The following MEGF10 variants were observed in gnomAD, a reference collection of about 807,000 sequenced individuals.
MEGF10 encodes the protein multiple EGF like domains 10.
MEGF10 carries 86 observed loss-of-function variants against 147.5 expected under a neutral mutation model. The ratio of observed to expected loss-of-function variants is 0.58; its 90% confidence interval spans 0.49 to 0.70. MEGF10 has a LOEUF of 0.70. Among genes scored for constraint, MEGF10 ranks in the 30% least tolerant of loss-of-function variants. MEGF10 has a pLI of 0.00. For synonymous variants in MEGF10, 478 were observed against 525.5 expected (o/e 0.91, Z 1.24); for missense variants, 1,329 against 1,487.3 (o/e 0.89, Z 1.75).
At position 127,398,761 on chromosome 5, in the gene MEGF10, G is replaced by T. The variant is rs370717384; in HGVS notation, c.745G>T (p.Val249Phe). 1 of 1,613,784 alleles carries T rather than the reference G, an allele frequency of 6.2e-7. No homozygotes were observed. Among genetic ancestry groups the T allele is most frequent in the South Asian group, 1.1e-5 (1 of 91,072 alleles). ...TCAAAATGGAGGAGTGTGTCATCAC[G>T]TCACTGGAGAATGCTCTTGCCCTTC... is the stretch of plus-strand genomic sequence containing the variant. ...PCQNGGVCHHVTGECSCPSGW... is the reference protein window; with the variant it reads ...PCQNGGVCHHFTGECSCPSGW... The change falls in exon 7 of 25, where the codon GTC becomes TTC. Residue 249 changes from valine to phenylalanine, a missense_variant. Transcript: ENST00000503335.
At chr5:127,301,145 C>T (rs1759749042) in intron 1 of MEGF10, among the ~76,000 whole-genome samples, 1 of 152,170 alleles carries the variant, frequency 6.6e-6, no homozygotes, top group Non-Finnish European at 1.5e-5. Flanking sequence ...GGCTTATCTC[C>T]GTCACTCATT....
At chr5:127,455,359 A>G (rs1159606954) in intron 23 of MEGF10, 42 bp from the exon 24 acceptor site, 3 of 1,503,572 alleles carry the variant, frequency 2.0e-6, no homozygotes, top group Non-Finnish European at 2.8e-6. Flanking sequence ...TGATGTTGCC[A>G]GTGACACAGC....
rs1300175695 is a variant in MEGF10, at chr5:127,459,499, G to C, written c.*2181G>C. ...AATAAGACATTTTCTCCCTTTTAAAGATCATCTCTTCAGAGCTGCATGGTA... is the reference window on the plus strand; with the variant it reads ...AATAAGACATTTTCTCCCTTTTAAACATCATCTCTTCAGAGCTGCATGGTA... On this transcript the variant is annotated 3_prime_UTR_variant, in exon 25 of 25. Transcript: ENST00000503335. 1.3e-5 allele frequency: 2 copies of C among 152,154 alleles called. No individual in the cohort carries two copies. The highest frequency in any genetic ancestry group is 2.9e-5 in the Non-Finnish European group (2 of 68,022). The allele number at this position is 152,154 out of a possible 1,614,324, so 9.4% of individuals were successfully genotyped here.
intron 4 of MEGF10, among the ~76,000 whole-genome samples, chr5:127,343,751 G>A (rs1443470662): frequency 1.3e-5 from 2 of 151,968 alleles, no homozygotes; most frequent in Admixed American, 6.6e-5. Context: ...AGGCATTCGA[G>A]ACCAGCATGG....
In MEGF10 at chr5:127,420,108, A is replaced by G; in HGVS notation, c.1491A>G (p.Leu497=). 4 of 1,614,130 alleles carry G rather than the reference A, an allele frequency of 2.5e-6. No individual in the cohort carries two copies. Among genetic ancestry groups the G allele is most frequent in the Non-Finnish European group, 3.4e-6 (4 of 1,180,014 alleles). ...GCACATGGGGCTTTGGCTGTAACTT[A>G]ACATGCCAGTGCCTCAACGGGGGAG... The part of the protein sequence containing the change: ...PSGTWGFGCN[L]TCQCLNGGAC... Residue 497 remains leucine, a synonymous_variant, in exon 12 of 25, where the codon TTA becomes TTG. Transcript: ENST00000503335.
At chr5:127,247,341 GA>G in the MEGF10 span, among the ~76,000 whole-genome samples, 1 of 2,492 alleles carries the variant, frequency 4.0e-4, no homozygotes, top group Non-Finnish European at 8.7e-4. Context: ...AGAAGAAGAA[GA>G]AGAAGAAGAA....
intron 4 of MEGF10, among the ~76,000 whole-genome samples, chr5:127,357,740 T>C (rs1047743638): frequency 3.3e-5 from 5 of 152,128 alleles, no homozygotes; most frequent in African/African-American, 1.2e-4. Context: ...GATGATCTGA[T>C]GCATAATTGT....
the MEGF10 span, among the ~76,000 whole-genome samples, chr5:127,243,101 C>T: frequency 2.0e-5 from 3 of 152,128 alleles, no homozygotes; most frequent in Non-Finnish European, 4.4e-5. Context: ...AATATATATT[C>T]CACACTTGTT....
chr5:127,290,163 A>G (rs766239307), upstream of MEGF10, among the ~76,000 whole-genome samples: 56 of 151,282 alleles, frequency 3.7e-4, no homozygotes, highest in Non-Finnish European at 6.3e-4. Context: ...ACCTGGGGGG[A>G]TTTTCCTGCG....
At chr5:127,330,628 C>A (rs535837541) in intron 1 of MEGF10, among the ~76,000 whole-genome samples, 3 of 152,244 alleles carry the variant, frequency 2.0e-5, no homozygotes, top group African/African-American at 7.2e-5. Context: ...TTTTTAGAAA[C>A]CCCTGTGAGA....
At chr5:127,323,369 G>A (rs568291004) in intron 1 of MEGF10, among the ~76,000 whole-genome samples, 2 of 152,306 alleles carry the variant, frequency 1.3e-5, no homozygotes, top group African/African-American at 4.8e-5. Context: ...CTGGGATGGT[G>A]CCCTGTGTGG....
rs1266564930 is a variant in MEGF10, at chr5:127,438,465, A to G, written c.2131A>G (p.Asn711Asp). ...ATGTCCACCTGCCCACTGGGGCCCA[A>G]ACTGCATCCACACGTGCAACTGCCA... The part of the protein sequence containing the change: ...QPCPPAHWGP[N>D]CIHTCNCHNG... The change falls in exon 17 of 25, where the codon AAC (asparagine) becomes GAC (aspartate). Residue 711 changes from asparagine to aspartate, a missense_variant. By Grantham distance (23) the Asn-to-Asp change is conservative. Coordinates refer to ENST00000503335, the MANE Select transcript of MEGF10 (RefSeq NM_001256545.2). The G allele has an allele frequency of 1.2e-6, 2 of 1,614,102 alleles. No individual in the cohort carries two copies. The highest frequency in any genetic ancestry group is 2.2e-5 in the South Asian group (2 of 91,074).
At chr5:127,340,463 C>G in intron 3 of MEGF10, 67 bp from the exon 4 acceptor site, 2 of 1,173,966 alleles carry the variant, frequency 1.7e-6, no homozygotes, top group Non-Finnish European at 2.5e-6. Flanking sequence ...TTCTTCATAA[C>G]TAGTTTGAAA....
chr5:127,352,858 G>A (rs945598731), intron 4 of MEGF10, among the ~76,000 whole-genome samples: 2 of 152,202 alleles, frequency 1.3e-5, no homozygotes, highest in Admixed American at 6.5e-5. Context: ...AAGACAGTTT[G>A]AGAGAGAGAC....
At position 127,457,070 on chromosome 5, in the gene MEGF10, T is replaced by C. The variant is rs3812053; in HGVS notation, c.3233-58T>C. Reference sequence around the variant, plus strand: ...TGTTTGACATTTGCAAGAAATGCCATATTCTTTTTAAAAACATTTCCTTTG... The same window carrying C: ...TGTTTGACATTTGCAAGAAATGCCACATTCTTTTTAAAAACATTTCCTTTG... On this transcript the variant is annotated intron_variant, in intron 24 of 24. Transcript: ENST00000503335. 184,022 of 1,475,918 alleles carry C rather than the reference T, an allele frequency of 0.12. 12,019 individuals are homozygous for C. The highest frequency in any genetic ancestry group is 0.13 in the Non-Finnish European group (146,739 of 1,098,580). The allele number at this position is 1,475,918 out of a possible 1,614,324, so 91.4% of individuals were successfully genotyped here.
At chr5:127,452,335 G>T (rs1766185309) in intron 22 of MEGF10, among the ~76,000 whole-genome samples, 1 of 152,216 alleles carries the variant, frequency 6.6e-6, no homozygotes, top group Non-Finnish European at 1.5e-5. Context: ...AGATGGCCAA[G>T]AGTATTTGGC....
At chr5:127,384,168 A>AT (rs1763349497) in intron 5 of MEGF10, among the ~76,000 whole-genome samples, 2 of 152,190 alleles carry the variant, frequency 1.3e-5, no homozygotes, top group African/African-American at 4.8e-5. Context: ...CACCTAGCAC[A>AT]TTCTTTTGTG....
At chr5:127,449,244 C>A in intron 22 of MEGF10, 22 bp downstream of exon 22, 1 of 1,612,356 alleles carries the variant, frequency 6.2e-7, no homozygotes, top group Non-Finnish European at 8.5e-7. Flanking sequence ...CAACGCACGT[C>A]CCCAGAAGCA....
intron 5 of MEGF10, among the ~76,000 whole-genome samples, chr5:127,388,453 T>C (rs761281987): frequency 2.0e-5 from 3 of 152,100 alleles, no homozygotes; most frequent in East Asian, 3.9e-4. Flanking sequence ...CCAGCCTACA[T>C]AGAATTATTA....
Sources: allele counts gnomAD v4.1 joint callset (sites outside exome capture counted in the v4.1 genomes callset), GRCh38; gene constraint gnomAD v4.1.1; transcripts MANE v1.5; gene names NCBI Gene and HGNC (gene_info 2026-07-23, HGNC 2026-07-21).